GRM8: variants seen among roughly 807,000 people sequenced by gnomAD.
GRM8 encodes the protein glutamate metabotropic receptor 8.
A neutral mutation model predicts 87.2 loss-of-function variants in GRM8; 47 were observed. That is an observed-to-expected ratio of 0.54 (90% CI 0.43 to 0.69). GRM8 has a LOEUF of 0.69. Ranked by LOEUF, GRM8 falls within the 30% of genes least tolerant of loss-of-function variation. The pLI, the probability that GRM8 is intolerant of heterozygous loss-of-function variation, is 0.00. For missense variants in GRM8, 1,019 were observed against 1,139.2 expected, an observed-to-expected ratio of 0.89 and a Z score of 1.52; for synonymous variants, 396 against 404.5, an observed-to-expected ratio of 0.98 and a Z score of 0.25.
chr7:127,086,459 A>T (rs1823516186), intron 3 of GRM8, among the ~76,000 whole-genome samples: 1 of 152,194 alleles, frequency 6.6e-6, no homozygotes, highest in South Asian at 2.1e-4. Context: ...AATCTTGAGC[A>T]GTCATCAATG....
At chr7:126,653,304 A>AG (rs1804135391) in intron 7 of GRM8, among the ~76,000 whole-genome samples, 2 of 150,732 alleles carry the variant, frequency 1.3e-5, no homozygotes, top group South Asian at 4.2e-4. Context: ...TGTCTCCAAA[A>AG]AAAAAAAAAA....
At chr7:126,703,007 G>T (rs888309086) in intron 7 of GRM8, among the ~76,000 whole-genome samples, 1 of 152,164 alleles carries the variant, frequency 6.6e-6, no homozygotes, top group African/African-American at 2.4e-5. Context: ...GTTGCTGGAG[G>T]AATGAAGAGG....
At chr7:126,849,735 C>G (rs1322334890) in intron 6 of GRM8, among the ~76,000 whole-genome samples, 1 of 152,104 alleles carries the variant, frequency 6.6e-6, no homozygotes, top group Non-Finnish European at 1.5e-5. Flanking sequence ...AGGGAAGGAA[C>G]CTCTTCCCTA....
intron 7 of GRM8, among the ~76,000 whole-genome samples, chr7:126,689,235 T>A (rs904837653): frequency 1.3e-5 from 2 of 151,970 alleles, no homozygotes; most frequent in Non-Finnish European, 2.9e-5. Flanking sequence ...CCTATAAATT[T>A]CCCCCAATAA....
At chr7:127,153,732 C>T (rs1386178266) in intron 2 of GRM8, among the ~76,000 whole-genome samples, 2 of 152,146 alleles carry the variant, frequency 1.3e-5, no homozygotes, top group Non-Finnish European at 2.9e-5. Context: ...GCACCTAGCA[C>T]AGCTCCTGGC....
chr7:127,158,208 C>A (rs1358351378), intron 2 of GRM8, among the ~76,000 whole-genome samples: 1 of 152,178 alleles, frequency 6.6e-6, no homozygotes, highest in East Asian at 1.9e-4. Flanking sequence ...TACCCCACCT[C>A]AAGAGAGTAC....
intron 3 of GRM8, among the ~76,000 whole-genome samples, chr7:127,053,774 C>T (rs1296807071): frequency 9.4e-5 from 10 of 106,826 alleles, no homozygotes; most frequent in Middle Eastern, 8.9e-3. Flanking sequence ...AGTGACAGAG[C>T]GAGACTCTGT....
At chr7:127,131,162 C>T (rs896476592) in intron 2 of GRM8, among the ~76,000 whole-genome samples, 1 of 152,180 alleles carries the variant, frequency 6.6e-6, no homozygotes, top group African/African-American at 2.4e-5. Flanking sequence ...AGGCTCCCTC[C>T]CAACCTTCAC....
chr7:126,518,295 C>T (rs1051379433), intron 9 of GRM8, among the ~76,000 whole-genome samples: 31 of 151,984 alleles, frequency 2.0e-4, no homozygotes, highest in Non-Finnish European at 4.4e-5. Flanking sequence ...TATGTATTTC[C>T]ATAAGAGGAA....
intron 9 of GRM8, among the ~76,000 whole-genome samples, chr7:126,480,337 T>C (rs922644351): frequency 2.0e-5 from 3 of 152,064 alleles, no homozygotes; most frequent in East Asian, 3.9e-4. Flanking sequence ...TGAACTGAAA[T>C]TGTGCCACTG....
At chr7:126,763,460 TATATATATATATACACACAC>T (rs1563163659) in intron 7 of GRM8, among the ~76,000 whole-genome samples, 12 of 64,060 alleles carry the variant, frequency 1.9e-4, no homozygotes, top group South Asian at 7.6e-4. Context: ...TATATATATA[TATATATATATATACACACAC>T]ACACACACAC....
chr7:126,796,476 T>A (rs563385433), intron 6 of GRM8, among the ~76,000 whole-genome samples: 1 of 152,226 alleles, frequency 6.6e-6, no homozygotes, highest in African/African-American at 2.4e-5. Flanking sequence ...TAAATGACCT[T>A]CACTGAGTTA....
chr7:127,087,510 G>A (rs564313675), intron 3 of GRM8, among the ~76,000 whole-genome samples: 132 of 152,234 alleles, frequency 8.7e-4, no homozygotes, highest in Non-Finnish European at 1.4e-3. Flanking sequence ...AGAAAGACAA[G>A]TACTGCAAGA....
intron 3 of GRM8, among the ~76,000 whole-genome samples, chr7:127,042,176 T>G (rs1818487606): frequency 6.6e-6 from 1 of 152,190 alleles, no homozygotes; most frequent in Non-Finnish European, 1.5e-5. Flanking sequence ...CCTCAAAGAT[T>G]CCATTTTCAG....
intron 7 of GRM8, among the ~76,000 whole-genome samples, chr7:126,673,388 G>C (rs750725693): frequency 3.9e-5 from 6 of 152,210 alleles, no homozygotes; most frequent in Admixed American, 6.5e-5. Flanking sequence ...AATGGATTTA[G>C]AGGATGTATA....
At chr7:126,439,499 A>T (rs1801209492) in intron 10 of GRM8, among the ~76,000 whole-genome samples, 1 of 152,144 alleles carries the variant, frequency 6.6e-6, no homozygotes, top group South Asian at 2.1e-4. Context: ...TTCCTGTACT[A>T]CCAGTCATGA....
At chr7:126,821,749 C>A (rs1041262234) in intron 6 of GRM8, among the ~76,000 whole-genome samples, 2 of 152,156 alleles carry the variant, frequency 1.3e-5, no homozygotes, top group African/African-American at 4.8e-5. Context: ...CATTGCATAA[C>A]CATGGTACAA....
chr7:126,537,509 G>A (rs1235813498), intron 8 of GRM8, among the ~76,000 whole-genome samples: 2 of 152,186 alleles, frequency 1.3e-5, no homozygotes, highest in East Asian at 3.8e-4. Flanking sequence ...GGACGTGGTG[G>A]CTCAAGCTTG....
rs562653574 is a variant in GRM8, at chr7:126,855,791, T to C, written c.1156+46751A>G. Among the ~76,000 whole-genome samples, 105 of 152,238 alleles carry C rather than the reference T, an allele frequency of 6.9e-4. 1 individual carries two copies. The highest frequency in any genetic ancestry group is 2.3e-3 in the African/African-American group (94 of 41,578). ...TGCCCGGCCCTCTTATGATTTTTTATATCCCACACTTCCTTCCCATGGAGA... is the reference window on the plus strand; with the variant it reads ...TGCCCGGCCCTCTTATGATTTTTTACATCCCACACTTCCTTCCCATGGAGA... On this transcript the variant is annotated intron_variant, in intron 6 of 10. Coordinates refer to ENST00000339582, the MANE Select transcript of GRM8 (RefSeq NM_000845.3).
Sources: gnomAD v4.1 joint callset for allele counts (sites outside exome capture counted in the v4.1 genomes callset) on GRCh38, gnomAD v4.1.1 for gene constraint, MANE v1.5 for transcripts, NCBI Gene and HGNC (gene_info 2026-07-23, HGNC 2026-07-21) for gene names.